Variants in N4BP2L2 observed in about 807,000 individuals in gnomAD.
The protein encoded by N4BP2L2 is NEDD4 binding protein 2 like 2.
N4BP2L2 carries 50 observed loss-of-function variants against 56.2 expected under a neutral mutation model. That is an observed-to-expected ratio of 0.89 (90% CI 0.71 to 1.13). The LOEUF is 1.13. N4BP2L2 is among the 50% of genes most tolerant of loss of function. N4BP2L2 has a pLI of 0.00. For synonymous variants in N4BP2L2, 203 were observed against 223.6 expected, an observed-to-expected ratio of 0.91 and a Z score of 0.82; for missense variants, 689 against 693.8, an observed-to-expected ratio of 0.99 and a Z score of 0.08.
chr13:32,436,842 C>G (rs949594019), intron 8 of N4BP2L2, among the ~76,000 whole-genome samples: 2 of 122,674 alleles, frequency 1.6e-5, no homozygotes, highest in Non-Finnish European at 3.4e-5. Flanking sequence ...AAAGAAAACA[C>G]CTATAAATAT....
intron 6 of N4BP2L2, among the ~76,000 whole-genome samples, chr13:32,501,649 C>T (rs1040867180): frequency 2.0e-5 from 3 of 152,026 alleles, no homozygotes; most frequent in African/African-American, 7.2e-5. Flanking sequence ...CCCGTCTCTA[C>T]TAAAAATACA....
intron 2 of N4BP2L2, among the ~76,000 whole-genome samples, chr13:32,530,310 C>A (rs1004165484): frequency 1.3e-5 from 2 of 152,056 alleles, no homozygotes; most frequent in African/African-American, 4.8e-5. Context: ...TTACTTCAAA[C>A]CATGAAGCTT....
rs767608133 is a variant in N4BP2L2, at chr13:32,477,218, G to T, written c.366-33092C>A. The T allele has an allele frequency of 1.6e-4, 66 of 418,816 alleles. 2 individuals carry two copies. The highest frequency in any genetic ancestry group is 1.5e-3 in the South Asian group (62 of 40,088). The allele number at this position is 418,816 out of a possible 1,614,324, so 25.9% of individuals were successfully genotyped here. A position where few individuals can be genotyped will look rare whatever the true frequency, so the allele number is the denominator to read the frequency against. ...AGAAGGTGGAGGAGAGGATGCCCTG[G>T]CTATGAACTATGCAAGGCTTACAAG... On this transcript the variant is annotated intron_variant, in intron 6 of 9. Transcript: ENST00000357505.
intron 6 of N4BP2L2, among the ~76,000 whole-genome samples, chr13:32,471,771 T>TG (rs2082344507): frequency 6.6e-6 from 1 of 152,208 alleles, no homozygotes; most frequent in South Asian, 2.1e-4. Context: ...AGTGAGCTGC[T>TG]AATGAAAGAG....
At chr13:32,502,394 A>C (rs1331877279) in intron 6 of N4BP2L2, among the ~76,000 whole-genome samples, 1 of 152,098 alleles carries the variant, frequency 6.6e-6, no homozygotes, top group Non-Finnish European at 1.5e-5. Context: ...AACTACTATA[A>C]AACTGGGTTG....
chr13:32,448,255 A>T (rs1178317572), intron 6 of N4BP2L2, among the ~76,000 whole-genome samples: 2 of 152,106 alleles, frequency 1.3e-5, no homozygotes, highest in African/African-American at 4.8e-5. Context: ...TAATCAGTAG[A>T]TGCATTTTCT....
chr13:32,458,907 C>A (rs1426720083), intron 6 of N4BP2L2, among the ~76,000 whole-genome samples: 1 of 152,130 alleles, frequency 6.6e-6, no homozygotes, highest in Non-Finnish European at 1.5e-5. Context: ...TAAGTCTCAA[C>A]AAATTTTTTA....
At chr13:32,520,447 A>C (rs527997552) in intron 5 of N4BP2L2, among the ~76,000 whole-genome samples, 1 of 151,972 alleles carries the variant, frequency 6.6e-6, no homozygotes, top group African/African-American at 2.4e-5. Flanking sequence ...TCACGAGGTC[A>C]GGAAATCAAG....
At chr13:32,458,191 A>G (rs1382973394) in intron 6 of N4BP2L2, among the ~76,000 whole-genome samples, 2 of 152,014 alleles carry the variant, frequency 1.3e-5, no homozygotes, top group African/African-American at 2.4e-5. Context: ...CAGTCTCCCG[A>G]GTAGCTGGGA....
exon 7 of N4BP2L2, chr13:32,442,415 G>T (rs2076527062): frequency 1.2e-6 from 2 of 1,600,036 alleles, no homozygotes; most frequent in Non-Finnish European, 1.7e-6. Context: ...GATCCAAAAA[G>T]CTTTACTAAT....
At chr13:32,510,975 A>T (rs1031546136) in exon 6 of N4BP2L2, 7 of 143,644 alleles carry the variant, frequency 4.9e-5, no homozygotes, top group South Asian at 2.2e-4. Context: ...ACACCAAATT[A>T]AAAAAAAAAA....
intron 3 of N4BP2L2, 185 bp downstream of exon 3, chr13:32,527,223 C>A: frequency 1.8e-6 from 1 of 562,966 alleles, no homozygotes; most frequent in Non-Finnish European, 3.0e-6. Context: ...TTCACAAAAA[C>A]CCTGATCAGG....
At chr13:32,511,895 CCT>C (rs1187467989) in exon 6 of N4BP2L2, 1 of 151,982 alleles carries the variant, frequency 6.6e-6, no homozygotes, top group East Asian at 1.9e-4. Flanking sequence ...ACAATCCCTT[CCT>C]GAGTAAATTT....
intron 6 of N4BP2L2, among the ~76,000 whole-genome samples, chr13:32,469,085 G>A (rs117291961): frequency 3.3e-3 from 496 of 152,294 alleles, no homozygotes; most frequent in Non-Finnish European, 5.4e-3. Context: ...CAACTGCTAC[G>A]GTCCCCCGAG....
intron 6 of N4BP2L2, among the ~76,000 whole-genome samples, chr13:32,464,267 T>A (rs889471042): frequency 1.3e-5 from 2 of 152,218 alleles, no homozygotes; most frequent in Middle Eastern, 3.2e-3. Context: ...AAATTCTAAC[T>A]GGATTGTTAC....
intron 6 of N4BP2L2, among the ~76,000 whole-genome samples, chr13:32,496,764 T>A (rs1007635686): frequency 6.6e-6 from 1 of 152,196 alleles, no homozygotes; most frequent in South Asian, 2.1e-4. Context: ...CAGGCACTGG[T>A]CCCACTTCCT....
chr13:32,443,936 T>A lies in N4BP2L2; in HGVS notation c.556A>T (p.Arg186Ter). 6.3e-7 allele frequency: 1 copy of A among 1,595,078 alleles called. No homozygotes were observed. The highest frequency in any genetic ancestry group is 8.5e-7 in the Non-Finnish European group (1 of 1,169,620). Residue 186 changes from arginine (R) to a stop codon, truncating the protein, a stop_gained, in exon 7 of 10, where the codon AGA (arginine) becomes TGA (stop). Transcript: ENST00000357505. LOFTEE classifies it high-confidence loss of function. ...TCAATGAAGGGATATTCTGATTCTC[T>A]TCTGGTCTTTTCAATGTCTTCCTCT...
rs200982762 is a variant in N4BP2L2, at chr13:32,442,468, T to C, written c.2024A>G (p.Tyr675Cys). The change falls in exon 7 of 10, where the codon TAC becomes TGC. Residue 675 changes from tyrosine to cysteine, a missense_variant. Coordinates refer to the N4BP2L2 transcript ENST00000357505. ...TGATAATGGTAGCTCAAGGGAACGG[T>C]AGTCAGTGCTTGTTAAGTCTTGGCT... 9.1e-5 allele frequency: 147 copies of C among 1,613,240 alleles called. No individual in the cohort carries two copies. In the Admixed American group the frequency reaches 2.3e-3, roughly 25 times the overall value.
At chr13:32,533,696 T>C (rs1287082560) in intron 2 of N4BP2L2, among the ~76,000 whole-genome samples, 1 of 151,894 alleles carries the variant, frequency 6.6e-6, no homozygotes, top group African/African-American at 2.4e-5. Flanking sequence ...TGCCTTGGCC[T>C]CCCAAAGTGC....
Sources: gnomAD v4.1 joint callset for allele counts (sites outside exome capture counted in the v4.1 genomes callset) on GRCh38, gnomAD v4.1.1 for gene constraint, MANE v1.5 for transcripts, NCBI Gene and HGNC (gene_info 2026-07-23, HGNC 2026-07-21) for gene names.